CHRDL1: variants seen among roughly 807,000 people sequenced by gnomAD.
The protein encoded by CHRDL1 is chordin-like protein 1.
A neutral mutation model predicts 40.9 loss-of-function variants in CHRDL1; 19 were observed. The observed-to-expected ratio is 0.46, with a 90% confidence interval of 0.32 to 0.68. The LOEUF is 0.68. Among genes scored for constraint, CHRDL1 ranks in the 30% least tolerant of loss-of-function variants. CHRDL1 has a pLI of 0.03. For missense variants in CHRDL1, 329 were observed against 352.1 expected, an observed-to-expected ratio of 0.93 and a Z score of 0.53; for synonymous variants, 136 against 123.4, an observed-to-expected ratio of 1.10 and a Z score of -0.68.
intron 4 of CHRDL1, among the ~76,000 whole-genome samples, chrX:110,738,930 A>C (rs2071312948): frequency 1.8e-5 from 2 of 111,435 alleles, no homozygotes; most frequent in South Asian, 7.6e-4. Flanking sequence ...ATTCAGAATG[A>C]ATTTCCTAGG....
At chrX:110,720,173 G>C (rs944526595) in intron 5 of CHRDL1, among the ~76,000 whole-genome samples, 1 of 111,214 alleles carries the variant, frequency 9.0e-6, no homozygotes, top group African/African-American at 3.3e-5. Flanking sequence ...GGTCTAAGGT[G>C]GTACAAAGTA....
intron 4 of CHRDL1, among the ~76,000 whole-genome samples, chrX:110,743,153 T>C (rs768121787): frequency 7.0e-4 from 79 of 113,000 alleles, no homozygotes; most frequent in Middle Eastern, 4.6e-3. Context: ...AAAGTGCAGA[T>C]ATAGAATGTT....
At chrX:110,706,970 G>C (rs1008389581) in intron 6 of CHRDL1, among the ~76,000 whole-genome samples, 2 of 111,963 alleles carry the variant, frequency 1.8e-5, no homozygotes, top group Non-Finnish European at 3.8e-5. Flanking sequence ...AAGTGGAAGA[G>C]AGCAGGGAGG....
intron 2 of CHRDL1, among the ~76,000 whole-genome samples, chrX:110,776,855 C>T (rs182210748): frequency 4.5e-5 from 5 of 110,680 alleles, no homozygotes; most frequent in African/African-American, 1.3e-4. Flanking sequence ...CATTATCACT[C>T]AAAGTCCAAA....
intron 2 of CHRDL1, among the ~76,000 whole-genome samples, chrX:110,769,801 C>T (rs1398415164): frequency 9.0e-6 from 1 of 111,676 alleles, no homozygotes; most frequent in African/African-American, 3.3e-5. Flanking sequence ...ACTGACCTCC[C>T]GCCGGGTTTC....
At chrX:110,683,819 G>A (rs2069950852) in intron 9 of CHRDL1, among the ~76,000 whole-genome samples, 1 of 111,322 alleles carries the variant, frequency 9.0e-6, no homozygotes, top group African/African-American at 3.3e-5. Flanking sequence ...TTGCCAGGTC[G>A]TTAAGGGGAG....
intron 4 of CHRDL1, among the ~76,000 whole-genome samples, chrX:110,732,704 G>A (rs970773574): frequency 9.1e-6 from 1 of 110,242 alleles, no homozygotes; most frequent in Non-Finnish European, 1.9e-5. Context: ...GGCTTGAGGA[G>A]AGAGTGTGCA....
chrX:110,679,616 G>T (rs2069852649), intron 10 of CHRDL1, among the ~76,000 whole-genome samples, 191 bp from the exon 11 acceptor site: 1 of 112,022 alleles, frequency 8.9e-6, no homozygotes, highest in Non-Finnish European at 1.9e-5. Flanking sequence ...TGTTTCCTTG[G>T]CTTACTGGCT....
intron 4 of CHRDL1, among the ~76,000 whole-genome samples, chrX:110,754,130 A>G (rs1467388592): frequency 1.8e-5 from 2 of 112,055 alleles, no homozygotes; most frequent in East Asian, 5.6e-4. Flanking sequence ...AGTGCTTATT[A>G]CATGATTCTC....
intron 4 of CHRDL1, among the ~76,000 whole-genome samples, chrX:110,723,240 G>A (rs777604523): frequency 3.1e-4 from 35 of 111,220 alleles, no homozygotes; most frequent in African/African-American, 8.8e-4. Flanking sequence ...GACAGAGCGA[G>A]ACTCCATCTC....
chrX:110,678,966 CA>C (rs1029822968), intron 11 of CHRDL1, among the ~76,000 whole-genome samples: 8 of 111,580 alleles, frequency 7.2e-5, no homozygotes, highest in African/African-American at 9.8e-5. Context: ...TACCCACCAC[CA>C]GAGGATACAC....
intron 7 of CHRDL1, among the ~76,000 whole-genome samples, chrX:110,699,850 GT>G (rs1288836320): frequency 8.9e-6 from 1 of 112,140 alleles, no homozygotes; most frequent in Non-Finnish European, 1.9e-5. Flanking sequence ...CATTTGTTTT[GT>G]TTTTATGAAA....
chrX:110,772,612 C>T (rs1033547535), intron 2 of CHRDL1, among the ~76,000 whole-genome samples: 1 of 111,570 alleles, frequency 9.0e-6, no homozygotes, highest in African/African-American at 3.3e-5. Context: ...GCACTCCAGC[C>T]TGAGCGATAG....
At chrX:110,706,292 T>C (rs2070638350) in intron 6 of CHRDL1, among the ~76,000 whole-genome samples, 1 of 112,226 alleles carries the variant, frequency 8.9e-6, no homozygotes, top group African/African-American at 3.2e-5. Flanking sequence ...TGGATTCAGA[T>C]GGATTCTAAT....
intron 1 of CHRDL1, among the ~76,000 whole-genome samples, chrX:110,793,208 C>T (rs963409523): frequency 2.7e-5 from 3 of 112,129 alleles, no homozygotes; most frequent in Non-Finnish European, 5.6e-5. Flanking sequence ...AAATATTGCA[C>T]ATAAAGAACT....
At chrX:110,684,047 C>A (rs2069955705) in intron 9 of CHRDL1, among the ~76,000 whole-genome samples, 1 of 111,272 alleles carries the variant, frequency 9.0e-6, no homozygotes, top group African/African-American at 3.3e-5. Flanking sequence ...AAATCTGGTG[C>A]CTTCCCTACT....
intron 2 of CHRDL1, among the ~76,000 whole-genome samples, chrX:110,783,397 T>C (rs2089974197): frequency 2.7e-5 from 3 of 112,634 alleles, no homozygotes; most frequent in African/African-American, 6.4e-5. Context: ...ACAATTATAC[T>C]AATTTCACCA....
chrX:110,694,743 C>G (rs931745588), intron 7 of CHRDL1, among the ~76,000 whole-genome samples: 1 of 112,147 alleles, frequency 8.9e-6, no homozygotes, highest in African/African-American at 3.2e-5. Flanking sequence ...CTGTGCAAAT[C>G]AGAAGGAGAA....
chrX:110,736,016 GC>G (rs2071257526), intron 4 of CHRDL1, among the ~76,000 whole-genome samples: 1 of 112,264 alleles, frequency 8.9e-6, no homozygotes, highest in African/African-American at 3.2e-5. Flanking sequence ...ACTGTTAGCA[GC>G]TGGCTTCAGA....
Sources: allele counts gnomAD v4.1 joint callset (sites outside exome capture counted in the v4.1 genomes callset), GRCh38; gene constraint gnomAD v4.1.1; transcripts MANE v1.5; gene names NCBI Gene and HGNC (gene_info 2026-07-23, HGNC 2026-07-21).